Variants in ATP2A1 observed in about 807,000 individuals in gnomAD.
The protein encoded by ATP2A1 is ATPase sarcoplasmic/endoplasmic reticulum Ca2+ transporting 1.
ATP2A1 carries 83 observed loss-of-function variants against 109.5 expected under a neutral mutation model. The observed-to-expected ratio is 0.76, with a 90% CI of 0.63 to 0.91. ATP2A1 has a LOEUF of 0.91. Ranked by LOEUF, ATP2A1 falls within the 40% of genes least tolerant of loss-of-function variation. The pLI is 0.00. For synonymous variants in ATP2A1, 505 were observed against 537.6 expected, an observed-to-expected ratio of 0.94 and a Z score of 0.84; for missense variants, 1,101 against 1,341.0, an observed-to-expected ratio of 0.82 and a Z score of 2.80.
At chr16:28,888,517 T>A (rs1321851706) in intron 8 of ATP2A1, among the ~76,000 whole-genome samples, 1 of 152,118 alleles carries the variant, frequency 6.6e-6, no homozygotes, top group Non-Finnish European at 1.5e-5. Flanking sequence ...CAAACAATCC[T>A]CTTGTCCCAG....
chr16:28,898,030 A>T lies in ATP2A1; in HGVS notation c.1450A>T (p.Thr484Ser). ...CCGCCAGCTAATGAAGAAGGAATTC[A>T]CCCTGGAGTTCTCCCGAGACAGAAA... ...VIRQLMKKEF[T>S]LEFSRDRKSM... Residue 484 changes from threonine to serine, a missense_variant, in exon 13 of 23, where the codon ACC (threonine) becomes TCC (serine). By Grantham distance (58) the Thr-to-Ser change is moderately conservative. Transcript: ENST00000395503. The surrounding 1 kb of genome is among the most constrained non-coding windows in gnomAD (Gnocchi z 4.0). 1 of 1,614,086 alleles carries T rather than the reference A, an allele frequency of 6.2e-7. No homozygotes were observed. Among genetic ancestry groups the T allele is most frequent in the Non-Finnish European group, 8.5e-7 (1 of 1,180,002 alleles).
chr16:28,896,908 G>T (rs992279603), intron 12 of ATP2A1, among the ~76,000 whole-genome samples: 1 of 151,662 alleles, frequency 6.6e-6, no homozygotes, highest in African/African-American at 2.4e-5. Context: ...GGTTAAGCTG[G>T]TCTACTACTA....
Position 28,903,291 on chromosome 16 carries a change from C to T in ATP2A1, c.2863-32C>T, listed in dbSNP as rs763357966. 8 of 1,595,748 alleles carry T rather than the reference C, an allele frequency of 5.0e-6. No homozygotes were observed. The highest frequency in any genetic ancestry group is 6.9e-6 in the Non-Finnish European group (8 of 1,163,480). Reference sequence around the variant, plus strand: ...CTGGTCTCTGGCTCCCTCCCCACCCCCTCCTGAGAGGGCGCTTGTCCCCTG... The same window carrying T: ...CTGGTCTCTGGCTCCCTCCCCACCCTCTCCTGAGAGGGCGCTTGTCCCCTG... On this transcript the variant is annotated intron_variant, in intron 20 of 22. Transcript: ENST00000395503. The surrounding 1 kb of genome is among the most constrained non-coding windows in gnomAD (Gnocchi z 5.6).
chr16:28,900,123 T>C (rs930618927), intron 14 of ATP2A1, among the ~76,000 whole-genome samples: 3 of 151,530 alleles, frequency 2.0e-5, no homozygotes, highest in Admixed American at 2.0e-4. Flanking sequence ...AGCAAGATCC[T>C]TTCTCTACTA....
At position 28,903,575 on chromosome 16, in the gene ATP2A1, C is replaced by T; in HGVS notation, c.2981-125C>T. 1 of 1,211,250 alleles carries T rather than the reference C, an allele frequency of 8.3e-7. No individual in the cohort carries two copies. The highest frequency in any genetic ancestry group is 1.2e-5 in the South Asian group (1 of 83,048). 75.0% of individuals were successfully genotyped at this position (1,211,250 alleles called of 1,614,324 possible). A position where few individuals can be genotyped will look rare whatever the true frequency, so the allele number is the denominator to read the frequency against. ...GCAGGACCTGTGTCCGCCCCGTTCC[C>T]CCTGCGCCTGCAGGGGCCACATCTC... On this transcript the variant is annotated intron_variant, in intron 21 of 22. Coordinates refer to ENST00000395503, the MANE Select transcript of ATP2A1 (RefSeq NM_004320.6). This position sits in a 1 kb window ranked among gnomAD's most constrained non-coding sequence, Gnocchi z 5.6.
At chr16:28,891,320 C>T (rs550005186) in intron 9 of ATP2A1, among the ~76,000 whole-genome samples, 6 of 151,640 alleles carry the variant, frequency 4.0e-5, no homozygotes, top group Admixed American at 3.3e-4. Context: ...AAAGACCTGA[C>T]GCAGTGGCTC....
chr16:28,886,991 T>A (rs1418072005), intron 6 of ATP2A1, among the ~76,000 whole-genome samples, 198 bp from the exon 7 acceptor site: 2 of 119,638 alleles, frequency 1.7e-5, no homozygotes, highest in African/African-American at 6.5e-5. Context: ...CAACTCTGTC[T>A]CAAAAAAAAA....
In ATP2A1 at chr16:28,903,856, G is replaced by T; in HGVS notation, c.*37+115G>T. The T allele has an allele frequency of 9.7e-7, 1 of 1,033,722 alleles. No individual in the cohort carries two copies. The highest frequency in any genetic ancestry group is 1.3e-5 in the South Asian group (1 of 76,308). 64.0% of individuals were successfully genotyped at this position (1,033,722 alleles called of 1,614,324 possible). ...TGTGCTCGCAGCTCCACCTGGAGCC[G>T]TTGCCACTGCTGCTGCTGCGCTTCC... On this transcript the variant is annotated intron_variant, in intron 22 of 22. Transcript: ENST00000395503. This position sits in a 1 kb window ranked among gnomAD's most constrained non-coding sequence, Gnocchi z 5.6.
chr16:28,895,091 T>G (rs1251742955), intron 12 of ATP2A1, 138 bp downstream of exon 12: 1 of 1,298,626 alleles, frequency 7.7e-7, no homozygotes, highest in Non-Finnish European at 1.1e-6. Flanking sequence ...CCCTGCAGCT[T>G]CTCCACAGGC....
intron 7 of ATP2A1, 66 bp from the exon 8 acceptor site, chr16:28,887,359 G>C: frequency 6.2e-7 from 1 of 1,612,542 alleles, no homozygotes; most frequent in Non-Finnish European, 8.5e-7. Context: ...AGAAGAGATG[G>C]CGTGGGGAGA....
chr16:28,890,897 G>A (rs1963752030), intron 9 of ATP2A1, among the ~76,000 whole-genome samples: 1 of 151,932 alleles, frequency 6.6e-6, no homozygotes, highest in South Asian at 2.1e-4. Flanking sequence ...TGTTGACCAG[G>A]CTGGTCTCTT....
intron 9 of ATP2A1, 74 bp downstream of exon 9, chr16:28,889,027 A>G: frequency 6.3e-7 from 1 of 1,582,286 alleles, no homozygotes; most frequent in Non-Finnish European, 8.6e-7. Flanking sequence ...CCAAAGATAG[A>G]GGTCTCCCTT....
intron 6 of ATP2A1, among the ~76,000 whole-genome samples, chr16:28,885,798 A>G (rs1963599247): frequency 6.6e-6 from 1 of 152,088 alleles, no homozygotes; most frequent in Admixed American, 6.6e-5. Flanking sequence ...TGTCTCCTTC[A>G]GCCTCCTCAA....
intron 6 of ATP2A1, among the ~76,000 whole-genome samples, chr16:28,885,537 T>TC (rs1963593253): frequency 6.6e-6 from 1 of 151,740 alleles, no homozygotes; most frequent in East Asian, 2.0e-4. Flanking sequence ...AGAGACAGGG[T>TC]TTTACCGTCT....
rs1263928253 is a variant in ATP2A1, at chr16:28,900,793, C to T, written c.1977C>T (p.Asp659=). The T allele has an allele frequency of 7.4e-6, 12 of 1,614,084 alleles. No homozygotes were observed. The highest frequency in any genetic ancestry group is 4.0e-5 in the African/African-American group (3 of 74,932). The part of the protein sequence containing the change: ...ADRAYTGREF[D]DLPLAEQREA... ...GCGCCTACACGGGCCGAGAGTTCGA[C>T]GACCTGCCCCTGGCTGAACAGCGGG... Residue 659 remains aspartate (D), a synonymous_variant, in exon 15 of 23, where the codon GAC becomes GAT. Transcript: ENST00000395503.
rs1028474171 is a variant in ATP2A1 at position 28,883,164 on chromosome 16, G to C, written c.463+575G>C. The stretch of plus-strand genomic sequence containing the variant: ...GCCTGGCCAGGGAGGGGTGGGGGCC[G>C]GGTGGCTAAGATTACTGGGATTCTG... On this transcript the variant is annotated intron_variant, in intron 5 of 22. Coordinates refer to ENST00000395503, the MANE Select transcript of ATP2A1 (RefSeq NM_004320.6). The surrounding 1 kb of genome is among the most constrained non-coding windows in gnomAD (Gnocchi z 5.2). Among the ~76,000 whole-genome samples, 27 of 152,210 alleles carry C rather than the reference G, an allele frequency of 1.8e-4. No homozygotes were observed. Among genetic ancestry groups the C allele is most frequent in the Admixed American group, 1.2e-3 (18 of 15,286 alleles).
At position 28,894,831 on chromosome 16, in the gene ATP2A1, G is replaced by A. The variant is rs767807185; in HGVS notation, c.1297G>A (p.Val433Ile). 6.2e-7 allele frequency: 1 copy of A among 1,610,814 alleles called. No individual in the cohort carries two copies. The highest frequency in any genetic ancestry group is 8.5e-7 in the Non-Finnish European group (1 of 1,179,592). ...CCTCTGCCCATCTCAGGCCAAAGGT[G>A]TCTATGAGAAGGTCGGCGAGGCCAC... ...SSLDFNEAKG[V>I]YEKVGEATET... is the part of the protein sequence containing the mutation. The change falls in exon 12 of 23, where the codon GTC (valine) becomes ATC (isoleucine). Residue 433 changes from valine (V) to isoleucine (I), a missense_variant. Coordinates refer to ENST00000395503, the MANE Select transcript of ATP2A1 (RefSeq NM_004320.6).
At chr16:28,879,244 C>T (rs1963377605) in intron 2 of ATP2A1, 128 bp downstream of exon 2, 2 of 1,294,686 alleles carry the variant, frequency 1.5e-6, no homozygotes, top group Non-Finnish European at 2.2e-6. Context: ...ATCTCCCTCC[C>T]TAAAGGTTAG....
In ATP2A1 at chr16:28,878,542, TG is replaced by T; in HGVS notation, c.-128del. Reference sequence around the variant, plus strand: ...GAGCTTTGTGGAGGGAAGAAAAACCTGGAGGGGGCAGGAGAGTAAAAAGAAG... The same window carrying T: ...GAGCTTTGTGGAGGGAAGAAAAACCTGAGGGGGCAGGAGAGTAAAAAGAAG... On this transcript the variant is annotated 5_prime_UTR_variant, in exon 1 of 23. Coordinates refer to ENST00000395503, the MANE Select transcript of ATP2A1 (RefSeq NM_004320.6). 1.2e-6 allele frequency: 1 copy of T among 835,598 alleles called. No homozygotes were observed. The highest frequency in any genetic ancestry group is 2.0e-6 in the Non-Finnish European group (1 of 506,832). 51.8% of individuals were successfully genotyped at this position (835,598 alleles called of 1,614,324 possible). A position where few individuals can be genotyped will look rare whatever the true frequency, so the allele number is the denominator to read the frequency against.
Sources: allele counts gnomAD v4.1 joint callset (sites outside exome capture counted in the v4.1 genomes callset), GRCh38; gene constraint gnomAD v4.1.1; non-coding constraint Gnocchi (gnomAD v3.1); transcripts MANE v1.5; gene names NCBI Gene and HGNC (gene_info 2026-07-23, HGNC 2026-07-21).